The following C1orf141 variants were observed in gnomAD, a reference collection of about 807,000 sequenced individuals.
C1orf141 encodes the protein uncharacterized protein C1orf141.
In C1orf141, 19 loss-of-function variants were observed where a neutral mutation model predicts 23.2. The observed-to-expected ratio is 0.82, with a 90% CI of 0.57 to 1.20. The LOEUF is 1.20. Among genes scored for constraint, C1orf141 ranks in the 50% most tolerant of loss-of-function variants. C1orf141 has a pLI of 0.00. For missense variants in C1orf141, 469 were observed against 455.1 expected, an observed-to-expected ratio of 1.03 and a Z score of -0.28; for synonymous variants, 153 against 154.6, an observed-to-expected ratio of 0.99 and a Z score of 0.08.
chr1:67,114,302 AAT>A (rs1370180713), intron 5 of C1orf141, among the ~76,000 whole-genome samples: 4 of 150,802 alleles, frequency 2.7e-5, no homozygotes, highest in Admixed American at 2.0e-4. Context: ...AAAAAAAAAA[AAT>A]CTTTTCTGGA....
chr1:67,129,734 T>C (rs977500870), intron 2 of C1orf141, among the ~76,000 whole-genome samples: 13 of 152,216 alleles, frequency 8.5e-5, no homozygotes, highest in Admixed American at 2.6e-4. Context: ...TGCTGTGACC[T>C]AAACCAGTTG....
intron 2 of C1orf141, among the ~76,000 whole-genome samples, chr1:67,128,626 A>G (rs1047685984): frequency 3.9e-5 from 6 of 151,922 alleles, no homozygotes; most frequent in African/African-American, 1.5e-4. Flanking sequence ...GCTTGAACCC[A>G]GGAGGCAGAG....
At position 67,125,928 on chromosome 1, in the gene C1orf141, G is replaced by GAAAAAAAAAA; in HGVS notation, c.76-29_76-20dup. The GAAAAAAAAAA allele has an allele frequency of 4.2e-6, 5 of 1,183,164 alleles. No individual in the cohort carries two copies. The highest frequency in any genetic ancestry group is 3.2e-5 in the East Asian group (1 of 31,014). The allele number at this position is 1,183,164 out of a possible 1,614,324, so 73.3% of individuals were successfully genotyped here. On this transcript the variant is annotated intron_variant, in intron 3 of 7. Transcript: ENST00000684719. ...TGTTTATCTGCAGCAATGCCAAAGT[G>GAAAAAAAAAA]AAAAAAAAAAAAAAAAAAAGAGTAC...
At chr1:67,095,751 C>T (rs1645665348) in intron 6 of C1orf141, 1 of 209,716 alleles carries the variant, frequency 4.8e-6, no homozygotes, top group Non-Finnish European at 9.4e-6. Flanking sequence ...CTCCACAGGG[C>T]AGCTTCATGC....
At position 67,095,310 on chromosome 1, in the gene C1orf141, G is replaced by A; in HGVS notation, c.528C>T (p.Cys176=). The A allele has an allele frequency of 1.2e-6, 2 of 1,607,634 alleles. No individual in the cohort carries two copies. The highest frequency in any genetic ancestry group is 1.7e-6 in the Non-Finnish European group (2 of 1,175,420). The change falls in exon 7 of 8, where the codon TGC becomes TGT. Residue 176 remains cysteine (C), a synonymous_variant. Transcript: ENST00000684719. ...GTGGATTTTTCAATTCATCCTCAAA[G>A]CACAACGGGAGCAAGCTTTTCTTTC... is the stretch of plus-strand genomic sequence containing the variant. ...SVRKKSLLPL[C]FEDELKNPHA... is the part of the protein sequence containing the mutation.
At chr1:67,102,308 G>A (rs980661991) in intron 5 of C1orf141, among the ~76,000 whole-genome samples, 2 of 3,936 alleles carry the variant, frequency 5.1e-4, no homozygotes, top group African/African-American at 1.9e-3. Context: ...CTTCTGCTCC[G>A]TGTGTGTGTG....
intron 5 of C1orf141, chr1:67,111,551 T>A: frequency 1.1e-6 from 1 of 925,560 alleles, no homozygotes; most frequent in Non-Finnish European, 1.5e-6. Context: ...TATTAAGTAA[T>A]TACTGAGTAT....
intron 5 of C1orf141, among the ~76,000 whole-genome samples, chr1:67,103,772 T>C (rs1045924958): frequency 2.0e-5 from 3 of 152,106 alleles, no homozygotes; most frequent in South Asian, 4.1e-4. Flanking sequence ...CTCTCTAACA[T>C]AGAGTAGGTA....
chr1:67,097,005 C>T (rs955493318), intron 5 of C1orf141, among the ~76,000 whole-genome samples: 1 of 152,122 alleles, frequency 6.6e-6, no homozygotes, highest in South Asian at 2.1e-4. Context: ...CCCCTCCAAG[C>T]ACAACAGGTT....
intron 4 of C1orf141, chr1:67,121,967 T>C (rs1646308710): frequency 6.6e-6 from 1 of 152,204 alleles, no homozygotes; most frequent in Admixed American, 6.5e-5. Context: ...GAGATCAAAA[T>C]ACTAAGTTGG....
chr1:67,103,119 T>C, intron 5 of C1orf141: 2 of 504,360 alleles, frequency 4.0e-6, no homozygotes, highest in South Asian at 1.2e-4. Context: ...AGAAAGATCG[T>C]TATGGTAGTA....
upstream of C1orf141, among the ~76,000 whole-genome samples, chr1:67,136,638 G>C (rs908937526): frequency 1.3e-5 from 2 of 152,142 alleles, no homozygotes; most frequent in Non-Finnish European, 1.5e-5. Flanking sequence ...CTGCATGTCA[G>C]GTACTAGGCT....
At chr1:67,124,477 T>A (rs1420490922) in intron 4 of C1orf141, among the ~76,000 whole-genome samples, 1 of 152,098 alleles carries the variant, frequency 6.6e-6, no homozygotes, top group Non-Finnish European at 1.5e-5. Context: ...CAAGCCCAGA[T>A]AATTTTTTAA....
chr1:67,133,146 A>C (rs1646544473), intron 1 of C1orf141, among the ~76,000 whole-genome samples: 1 of 152,228 alleles, frequency 6.6e-6, no homozygotes, highest in South Asian at 2.1e-4. Context: ...AACAAACAAA[A>C]AATAACAAAA....
At chr1:67,114,852 G>A (rs753350180) in intron 5 of C1orf141, among the ~76,000 whole-genome samples, 6 of 152,190 alleles carry the variant, frequency 3.9e-5, no homozygotes, top group East Asian at 1.9e-4. Context: ...ATTTTTGTAC[G>A]TTTAATAGAG....
intron 4 of C1orf141, chr1:67,123,326 C>G (rs1646338215): frequency 6.6e-6 from 1 of 151,902 alleles, no homozygotes; most frequent in Non-Finnish European, 1.5e-5. Context: ...CAAATGCATA[C>G]TTAACATGGT....
At chr1:67,117,094 C>T (rs556508273) in intron 4 of C1orf141, among the ~76,000 whole-genome samples, 3 of 152,288 alleles carry the variant, frequency 2.0e-5, no homozygotes, top group African/African-American at 7.2e-5. Context: ...GCACCTATAG[C>T]ATGACTGGTA....
At chr1:67,117,438 T>A (rs569803924) in intron 4 of C1orf141, among the ~76,000 whole-genome samples, 1 of 152,032 alleles carries the variant, frequency 6.6e-6, no homozygotes, top group South Asian at 2.1e-4. Context: ...AAAAAAAAAA[T>A]TATTGAATGC....
At chr1:67,096,015 A>T (rs79482489) in intron 6 of C1orf141, 22,568 of 304,754 alleles carry the variant, frequency 0.074, 1,514 homozygotes, top group African/African-American at 0.21. Flanking sequence ...GTGTGTATTT[A>T]CTAAAAAAAA....
Sources: gnomAD v4.1 joint callset for allele counts (sites outside exome capture counted in the v4.1 genomes callset) on GRCh38, gnomAD v4.1.1 for gene constraint, MANE v1.5 for transcripts, NCBI Gene and HGNC (gene_info 2026-07-23, HGNC 2026-07-21) for gene names.